The following TYW1B variants were observed in gnomAD, a reference collection of about 807,000 sequenced individuals.
TYW1B encodes the protein S-adenosyl-L-methionine-dependent tRNA 4-demethylwyosine synthase TYW1B.
In TYW1B, 73 loss-of-function variants were observed where a neutral mutation model predicts 86.9. The observed-to-expected ratio is 0.84, with a 90% confidence interval of 0.70 to 1.02. The LOEUF (loss-of-function observed/expected upper bound fraction) is 1.02, where lower values mean the gene tolerates loss of function less well. Among genes scored for constraint, TYW1B ranks in the 50% least tolerant of loss-of-function variants. TYW1B has a pLI of 0.00. For missense variants in TYW1B, 637 were observed against 827.4 expected (o/e 0.77, Z 2.82); for synonymous variants, 248 against 292.8 (o/e 0.85, Z 1.56).
intron 6 of TYW1B, among the ~76,000 whole-genome samples, chr7:72,795,517 A>G (rs1185444421): frequency 4.0e-5 from 6 of 149,946 alleles, no homozygotes; most frequent in Non-Finnish European, 7.4e-5. Flanking sequence ...ACGCGAAACT[A>G]CAGAGATGAT....
At chr7:72,654,985 T>C (rs558741832) in intron 11 of TYW1B, among the ~76,000 whole-genome samples, 13 of 151,732 alleles carry the variant, frequency 8.6e-5, no homozygotes, top group Non-Finnish European at 1.9e-4. Flanking sequence ...GGAAAGGGGG[T>C]GTGCATGGGA....
chr7:72,670,313 T>G (rs1374464475), intron 11 of TYW1B, among the ~76,000 whole-genome samples: 1 of 152,186 alleles, frequency 6.6e-6, no homozygotes, highest in Non-Finnish European at 1.5e-5. Context: ...TGCCTCAGCC[T>G]CCCGAGTAGC....
intron 13 of TYW1B, among the ~76,000 whole-genome samples, chr7:72,592,676 G>C (rs1554431735): frequency 6.6e-6 from 1 of 152,180 alleles, no homozygotes; most frequent in East Asian, 1.9e-4. Context: ...AAAGATACAA[G>C]TGGATTGAAA....
intron 6 of TYW1B, among the ~76,000 whole-genome samples, chr7:72,779,418 T>A (rs1313049872): frequency 6.6e-6 from 1 of 152,310 alleles, no homozygotes; most frequent in African/African-American, 2.4e-5. Context: ...TAAAACAGAT[T>A]AAAAATTTTA....
chr7:72,676,433 T>A (rs1222000260), intron 11 of TYW1B, among the ~76,000 whole-genome samples: 3 of 152,154 alleles, frequency 2.0e-5, no homozygotes, highest in Non-Finnish European at 4.4e-5. Flanking sequence ...TGCTGTACAC[T>A]ATATTTAGTT....
At chr7:72,785,465 A>T (rs1192386462) in intron 6 of TYW1B, among the ~76,000 whole-genome samples, 2 of 148,914 alleles carry the variant, frequency 1.3e-5, no homozygotes, top group African/African-American at 2.4e-5. Context: ...ATTATTTTAT[A>T]AAAAATATAT....
chr7:72,823,762 G>C lies in TYW1B; in HGVS notation c.135+3093C>G, dbSNP rs184640033. On this transcript the variant is annotated intron_variant, in intron 2 of 13. Coordinates refer to ENST00000620995, the MANE Select transcript of TYW1B (RefSeq NM_001145440.3). ...CAGCAACATTAAGCCACTGAGACTT[G>C]AGGGCTGTTTGTATAAACTAATTAA... Among the ~76,000 whole-genome samples, 110 of 152,198 alleles carry C rather than the reference G, an allele frequency of 7.2e-4. 1 individual carries two copies. Among genetic ancestry groups the C allele is most frequent in the African/African-American group, 2.6e-3 (107 of 41,542 alleles).
chr7:72,606,553 CAGA>C (rs1193738831), intron 13 of TYW1B, among the ~76,000 whole-genome samples: 1 of 151,914 alleles, frequency 6.6e-6, no homozygotes, highest in African/African-American at 2.4e-5. Context: ...CGAGTGGTGT[CAGA>C]AGAAGCTTAG....
At chr7:72,744,123 A>G (rs1277745629) in intron 8 of TYW1B, among the ~76,000 whole-genome samples, 7 of 152,168 alleles carry the variant, frequency 4.6e-5, no homozygotes, top group Non-Finnish European at 1.5e-5. Flanking sequence ...TAGAAAAAAA[A>G]GAAAACAATG....
chr7:72,765,121 G>A (rs1415148582), intron 7 of TYW1B, among the ~76,000 whole-genome samples: 2 of 152,080 alleles, frequency 1.3e-5, no homozygotes, highest in East Asian at 3.9e-4. Flanking sequence ...TGAATGCCTG[G>A]CTTCCAGAGT....
intron 7 of TYW1B, among the ~76,000 whole-genome samples, chr7:72,752,046 G>A (rs1213756996): frequency 6.6e-6 from 1 of 152,222 alleles, no homozygotes; most frequent in Non-Finnish European, 1.5e-5. Context: ...GGCAGCCCCA[G>A]TATCTCTGGG....
chr7:72,761,383 T>C (rs1322472241), intron 7 of TYW1B, among the ~76,000 whole-genome samples: 1 of 151,990 alleles, frequency 6.6e-6, no homozygotes, highest in Non-Finnish European at 1.5e-5. Context: ...CTAAAATATA[T>C]AAGGTATGTT....
At chr7:72,776,272 A>G (rs1554470510) in intron 7 of TYW1B, among the ~76,000 whole-genome samples, 1 of 152,184 alleles carries the variant, frequency 6.6e-6, no homozygotes, top group African/African-American at 2.4e-5. Context: ...ACTCAAAGAT[A>G]TACTATGAAA....
At chr7:72,678,829 A>G (rs34851445) in intron 11 of TYW1B, among the ~76,000 whole-genome samples, 1 of 151,602 alleles carries the variant, frequency 6.6e-6, no homozygotes, top group Non-Finnish European at 1.5e-5. Context: ...GTATAAGCCA[A>G]CGTGCCCGGA....
rs56146824 is a variant in TYW1B at position 72,592,160 on chromosome 7, T to TAA, written c.1786-16443_1786-16442dup. Among the ~76,000 whole-genome samples the TAA allele has an allele frequency of 4.8e-3, 498 of 103,306 alleles. 13 individuals are homozygous for TAA. Among genetic ancestry groups the TAA allele is most frequent in the African/African-American group, 0.018 (435 of 24,218 alleles). The allele number at this position is 103,306 out of a possible 152,430, so 67.8% of individuals were successfully genotyped here. A position where few individuals can be genotyped will look rare whatever the true frequency, so the allele number is the denominator to read the frequency against. ...TTTCTATGTTAACACACTAATGTGT[T>TAA]AAAAAAAAAAAAAAAAAAAAAAAAA... On this transcript the variant is annotated intron_variant, in intron 13 of 13. Transcript: ENST00000620995.
chr7:72,606,936 A>G (rs1330539600), intron 13 of TYW1B, among the ~76,000 whole-genome samples: 42 of 152,156 alleles, frequency 2.8e-4, no homozygotes, highest in South Asian at 1.0e-3. Context: ...AAAATGTCTG[A>G]GAAACAACTG....
chr7:72,659,657 C>T (rs1813285140), intron 11 of TYW1B, among the ~76,000 whole-genome samples: 1 of 152,074 alleles, frequency 6.6e-6, no homozygotes, highest in African/African-American at 2.4e-5. Flanking sequence ...GAAACAGAAC[C>T]TAGGTGTGCA....
chr7:72,818,161 G>A (rs1554479780), intron 2 of TYW1B, among the ~76,000 whole-genome samples: 2 of 151,702 alleles, frequency 1.3e-5, no homozygotes, highest in African/African-American at 4.8e-5. Context: ...ATGGGTGGAA[G>A]CTTCCTGAAG....
At chr7:72,771,974 G>A (rs1196394897) in intron 7 of TYW1B, among the ~76,000 whole-genome samples, 9 of 151,348 alleles carry the variant, frequency 5.9e-5, no homozygotes, top group African/African-American at 1.2e-4. Context: ...AGACTCCCAC[G>A]TAATTGGGAC....
Sources: gnomAD v4.1 joint callset for allele counts (sites outside exome capture counted in the v4.1 genomes callset) on GRCh38, gnomAD v4.1.1 for gene constraint, MANE v1.5 for transcripts, NCBI Gene and HGNC (gene_info 2026-07-23, HGNC 2026-07-21) for gene names.